Variants in RYR2 observed in about 807,000 individuals in gnomAD.
RYR2 encodes the protein ryanodine receptor 2.
RYR2 carries 227 observed loss-of-function variants against 601.1 expected under a neutral mutation model. That is an observed-to-expected ratio of 0.38 (90% CI 0.34 to 0.42). RYR2 has a LOEUF of 0.42. Ranked by LOEUF, RYR2 falls within the 10% of genes least tolerant of loss-of-function variation. RYR2 has a pLI of 1.00. For missense variants in RYR2, 4,646 were observed against 6,156.5 expected (o/e 0.75, Z 8.21); for synonymous variants, 2,223 against 2,175.1 (o/e 1.02, Z -0.61).
rs999686226 is a variant in RYR2, at chr1:237,468,736, G to T, written c.1613-356G>T. Reference sequence around the variant, plus strand: ...TAAGAAAATTGGGCTTGAGAGAGAAGAATAATTTAATCTCATGGCTAATTA... The same window carrying T: ...TAAGAAAATTGGGCTTGAGAGAGAATAATAATTTAATCTCATGGCTAATTA... On this transcript the variant is annotated intron_variant, in intron 16 of 104. Transcript: ENST00000366574. 5.3e-5 allele frequency among the ~76,000 whole-genome samples: 8 copies of T among 152,242 alleles called. No homozygotes were observed. The East Asian group carries it at 1.5e-3, about 29-fold the overall frequency.
chr1:237,637,055 C>T (rs1046339919), intron 44 of RYR2, among the ~76,000 whole-genome samples: 5 of 152,064 alleles, frequency 3.3e-5, no homozygotes, highest in African/African-American at 1.2e-4. Context: ...CTGCAAAGGG[C>T]CCAGGGAGCT....
intron 29 of RYR2, among the ~76,000 whole-genome samples, chr1:237,573,807 C>A (rs61832624): frequency 1.3e-5 from 2 of 151,160 alleles, no homozygotes; most frequent in Non-Finnish European, 3.0e-5. Flanking sequence ...GAGTGAGACT[C>A]CGTCTGAAAA....
At position 237,674,866 on chromosome 1, in the gene RYR2, T is replaced by G; in HGVS notation, c.8830+20T>G. 1.5e-6 allele frequency: 2 copies of G among 1,300,932 alleles called. No individual in the cohort carries two copies. Among genetic ancestry groups the G allele is most frequent in the Admixed American group, 3.5e-5 (2 of 57,824 alleles). 80.6% of individuals were successfully genotyped at this position (1,300,932 alleles called of 1,614,324 possible). On this transcript the variant is annotated intron_variant, in intron 60 of 104. Transcript: ENST00000366574. ...AGTTTGGTAGGTACCATAGTCCCATTGCTAATAGCCCAGTGTTTGTTGTTT... is the reference window on the plus strand; with the variant it reads ...AGTTTGGTAGGTACCATAGTCCCATGGCTAATAGCCCAGTGTTTGTTGTTT...
At chr1:237,134,767 A>T (rs1406965529) in intron 1 of RYR2, among the ~76,000 whole-genome samples, 1 of 152,236 alleles carries the variant, frequency 6.6e-6, no homozygotes, top group African/African-American at 2.4e-5. Context: ...TTCTATCATA[A>T]TCAAGTGCCA....
At chr1:237,741,567 A>T (rs1005377531) in intron 79 of RYR2, among the ~76,000 whole-genome samples, 2 of 152,014 alleles carry the variant, frequency 1.3e-5, no homozygotes, top group Non-Finnish European at 2.9e-5. Context: ...AGCAGCTGAG[A>T]TGTATTAAAA....
chr1:237,248,813 G>A (rs1028487998), intron 1 of RYR2, among the ~76,000 whole-genome samples: 1 of 147,168 alleles, frequency 6.8e-6, no homozygotes, highest in Admixed American at 7.0e-5. Context: ...CCAGGCTAGA[G>A]TGCAATGGCG....
intron 3 of RYR2, among the ~76,000 whole-genome samples, chr1:237,350,592 AAAAAAAAAAAATATATATATATATAT>A (rs1191358358): frequency 5.6e-5 from 5 of 89,432 alleles, no homozygotes; most frequent in African/African-American, 2.2e-4. Context: ...AAAAAAAAAA[AAAAAAAAAAAATATATATATATATAT>A]ATATATATAT....
intron 1 of RYR2, among the ~76,000 whole-genome samples, chr1:237,260,127 A>C (rs1278237240): frequency 6.6e-6 from 1 of 152,232 alleles, no homozygotes; most frequent in Non-Finnish European, 1.5e-5. Flanking sequence ...AGATGAAAGT[A>C]CATCAAAGAA....
At chr1:237,780,704 T>TAATC (rs758166459) in intron 88 of RYR2, among the ~76,000 whole-genome samples, 1 of 152,202 alleles carries the variant, frequency 6.6e-6, no homozygotes, top group Non-Finnish European at 1.5e-5. Context: ...CTGGAAAGCT[T>TAATC]AATCAAATTG....
At chr1:237,248,407 A>C (rs1470705515) in intron 1 of RYR2, among the ~76,000 whole-genome samples, 2 of 151,760 alleles carry the variant, frequency 1.3e-5, no homozygotes, top group Non-Finnish European at 1.5e-5. Flanking sequence ...TTTTGCTAAA[A>C]GTATCTTCAA....
chr1:237,764,113 A>C (rs1190021243), intron 84 of RYR2, among the ~76,000 whole-genome samples: 2 of 152,220 alleles, frequency 1.3e-5, no homozygotes, highest in Non-Finnish European at 2.9e-5. Flanking sequence ...ATATGACCAT[A>C]AATTATATAG....
chr1:237,173,126 G>T (rs1213114481), intron 1 of RYR2, among the ~76,000 whole-genome samples: 1 of 152,020 alleles, frequency 6.6e-6, no homozygotes, highest in Non-Finnish European at 1.5e-5. Context: ...AGATGAATCT[G>T]CAACCCAGGT....
At chr1:237,203,338 T>C (rs112828929) in intron 1 of RYR2, among the ~76,000 whole-genome samples, 1,891 of 152,314 alleles carry the variant, frequency 0.012, 55 homozygotes, top group African/African-American at 0.044. Context: ...TATTGCTGTT[T>C]AGTGTATATT....
At chr1:237,390,743 C>A (rs1018276940) in intron 10 of RYR2, among the ~76,000 whole-genome samples, 1 of 152,140 alleles carries the variant, frequency 6.6e-6, no homozygotes, top group African/African-American at 2.4e-5. Context: ...TGGACCCACT[C>A]TCCCTTTGCA....
At chr1:237,513,472 A>G (rs953050659) in intron 24 of RYR2, among the ~76,000 whole-genome samples, 2 of 152,234 alleles carry the variant, frequency 1.3e-5, no homozygotes, top group African/African-American at 4.8e-5. Flanking sequence ...ACCGCATTTC[A>G]AATTCTAGAA....
At chr1:237,096,060 A>C (rs933704106) in intron 1 of RYR2, among the ~76,000 whole-genome samples, 2 of 152,182 alleles carry the variant, frequency 1.3e-5, no homozygotes, top group Non-Finnish European at 2.9e-5. Flanking sequence ...AAAATGATGA[A>C]GGTCATAGCC....
At chr1:237,428,930 C>T (rs911532574) in intron 12 of RYR2, among the ~76,000 whole-genome samples, 10 of 152,136 alleles carry the variant, frequency 6.6e-5, no homozygotes, top group Admixed American at 3.3e-4. Context: ...GTTCATGATA[C>T]GCACACACAC....
intron 77 of RYR2, 33 bp downstream of exon 77, chr1:237,730,389 G>A (rs1307190420): frequency 8.4e-7 from 1 of 1,188,486 alleles, no homozygotes; most frequent in South Asian, 1.2e-5. Context: ...AGATGAAAGA[G>A]GGTCTAGGCT....
chr1:237,369,702 G>A (rs947649042), intron 6 of RYR2, 94 bp downstream of exon 6: 15 of 939,794 alleles, frequency 1.6e-5, no homozygotes, highest in Non-Finnish European at 2.3e-5. Flanking sequence ...TTCTGCAATG[G>A]TATTAATGAG....
Sources: allele counts gnomAD v4.1 joint callset (sites outside exome capture counted in the v4.1 genomes callset), GRCh38; gene constraint gnomAD v4.1.1; transcripts MANE v1.5; gene names NCBI Gene and HGNC (gene_info 2026-07-23, HGNC 2026-07-21).